The following CUX1 variants were observed in gnomAD, a reference collection of about 807,000 sequenced individuals.
CUX1 encodes the protein protein CASP.
In CUX1, 31 loss-of-function variants were observed where a neutral mutation model predicts 158.8. That is an observed-to-expected ratio of 0.20 (90% CI 0.15 to 0.26). The LOEUF (loss-of-function observed/expected upper bound fraction) is 0.26. Among genes scored for constraint, CUX1 ranks in the 10% least tolerant of loss-of-function variants. The pLI is 1.00. For synonymous variants in CUX1, 879 were observed against 862.1 expected (o/e 1.02, Z -0.34); for missense variants, 1,589 against 2,014.6 (o/e 0.79, Z 4.04).
At chr7:102,114,362 A>G (rs1554491182) in intron 7 of CUX1, among the ~76,000 whole-genome samples, 1 of 152,124 alleles carries the variant, frequency 6.6e-6, no homozygotes, top group Non-Finnish European at 1.5e-5. Context: ...TGCAACCTGC[A>G]TCTCCAGGGT....
intron 20 of CUX1, among the ~76,000 whole-genome samples, chr7:102,205,940 C>T (rs1795904353): frequency 6.6e-6 from 1 of 152,162 alleles, no homozygotes; most frequent in African/African-American, 2.4e-5. Context: ...TTTTCACAGC[C>T]AGCTTTTAGG....
intron 2 of CUX1, among the ~76,000 whole-genome samples, chr7:101,945,500 C>T (rs907653101): frequency 5.3e-5 from 8 of 152,176 alleles, no homozygotes; most frequent in Non-Finnish European, 1.0e-4. Context: ...CCTTGTGTAT[C>T]GAGTGTTCTC....
At chr7:101,912,815 G>A (rs1803649371) in intron 1 of CUX1, among the ~76,000 whole-genome samples, 1 of 152,176 alleles carries the variant, frequency 6.6e-6, no homozygotes, top group Non-Finnish European at 1.5e-5. Flanking sequence ...GTATTGCTGG[G>A]CATGGAGGAG....
At chr7:102,226,914 G>GT (rs1798397482) in intron 20 of CUX1, among the ~76,000 whole-genome samples, 1 of 152,164 alleles carries the variant, frequency 6.6e-6, no homozygotes, top group Non-Finnish European at 1.5e-5. Context: ...CTTCCTAACT[G>GT]TGGTGACTAC....
At chr7:102,280,910 G>C (rs1300279973) in intron 20 of CUX1, 2 of 1,557,310 alleles carry the variant, frequency 1.3e-6, no homozygotes, top group Non-Finnish European at 1.8e-6. Context: ...CTGAGCCTCT[G>C]TCTCCAGGCA....
chr7:101,921,369 G>T (rs144902142), intron 2 of CUX1, among the ~76,000 whole-genome samples: 2 of 152,146 alleles, frequency 1.3e-5, no homozygotes, highest in Admixed American at 1.3e-4. Context: ...AATACTCACC[G>T]TGTAACTCAT....
intron 4 of CUX1, among the ~76,000 whole-genome samples, chr7:102,090,786 T>C (rs1025789201): frequency 9.9e-5 from 15 of 152,106 alleles, no homozygotes; most frequent in Non-Finnish European, 2.2e-4. Context: ...TTACTCAGAT[T>C]TGAGTTGGTA....
Position 101,916,009 on chromosome 7 carries a change from G to A in CUX1, c.31-106G>A. 1.3e-6 allele frequency: 1 copy of A among 757,876 alleles called. No homozygotes were observed. Among genetic ancestry groups the A allele is most frequent in the South Asian group, 1.5e-5 (1 of 67,758 alleles). 46.9% of individuals were successfully genotyped at this position (757,876 alleles called of 1,614,324 possible). On this transcript the variant is annotated intron_variant, in intron 1 of 23. Coordinates refer to ENST00000292535, the MANE Select transcript of CUX1 (RefSeq NM_181552.4). This position sits in a 1 kb window ranked among gnomAD's most constrained non-coding sequence, Gnocchi z 4.4. Reference sequence around the variant, plus strand: ...TGCCAATGAGTTGATGTTCCTTAGAGCCACTGGGGTCTCTCCCCCAGTGTT... The same window carrying A: ...TGCCAATGAGTTGATGTTCCTTAGAACCACTGGGGTCTCTCCCCCAGTGTT...
chr7:102,204,634 T>G (rs1554520595), intron 19 of CUX1, 78 bp downstream of exon 19: 1 of 1,543,472 alleles, frequency 6.5e-7, no homozygotes, highest in African/African-American at 1.4e-5. Flanking sequence ...ACCTGGGCTA[T>G]GCAGAGAGGG....
At chr7:102,281,871 G>C in exon 21 of CUX1, 13 of 1,613,436 alleles carry the variant, frequency 8.1e-6, no homozygotes, top group Non-Finnish European at 8.5e-6. Flanking sequence ...AAGATGGCGC[G>C]CACCATCGGC....
At chr7:102,210,857 C>T (rs1796437723) in intron 20 of CUX1, among the ~76,000 whole-genome samples, 1 of 152,190 alleles carries the variant, frequency 6.6e-6, no homozygotes, top group South Asian at 2.1e-4. Context: ...CTTGTACAAC[C>T]AGGAGATTCC....
chr7:102,134,915 G>C (rs1459464078), intron 8 of CUX1, among the ~76,000 whole-genome samples: 1 of 152,120 alleles, frequency 6.6e-6, no homozygotes, highest in East Asian at 1.9e-4. Flanking sequence ...TTTACTCTTT[G>C]TGTGTTTCCT....
chr7:102,039,335 G>A (rs1010903829), intron 3 of CUX1, among the ~76,000 whole-genome samples: 1 of 152,154 alleles, frequency 6.6e-6, no homozygotes, highest in East Asian at 1.9e-4. Context: ...CTCTGATACT[G>A]CTTGAGCGGG....
Position 102,283,251 on chromosome 7 carries a change from A to G in CUX1, c.*161A>G. The G allele has an allele frequency of 9.3e-6, 6 of 647,036 alleles. No homozygotes were observed. In the South Asian group the frequency reaches 1.0e-4, roughly 11 times the overall value. 40.1% of individuals were successfully genotyped at this position (647,036 alleles called of 1,614,324 possible). On this transcript the variant is annotated 3_prime_UTR_variant, in exon 23 of 23. Coordinates refer to the CUX1 transcript ENST00000292538. ...CCCAGGTCACCTCGGGTCCCCTTGA[A>G]AGAATGTCTCGGTCACATCAGGCCC...
At chr7:101,883,760 T>C (rs931202393) in intron 1 of CUX1, among the ~76,000 whole-genome samples, 1 of 152,038 alleles carries the variant, frequency 6.6e-6, no homozygotes, top group Non-Finnish European at 1.5e-5. Flanking sequence ...CATACCTGGC[T>C]AATTTTTGTA....
At chr7:101,836,957 C>T (rs1794704067) in intron 1 of CUX1, among the ~76,000 whole-genome samples, 1 of 152,190 alleles carries the variant, frequency 6.6e-6, no homozygotes, top group Admixed American at 6.5e-5. Context: ...TCCTGCAGTG[C>T]CCCGTCCCCA....
Position 102,129,466 on chromosome 7 carries a change from T to C in CUX1, c.674+14193T>C, listed in dbSNP as rs563581356. ...TGGGAGGCCAAGATGGGCAGATCAC[T>C]TGAGGTCAGGAGTTCGAGACCAGCC... On this transcript the variant is annotated intron_variant, in intron 8 of 23. Transcript: ENST00000292535. Among the ~76,000 whole-genome samples, 3 of 152,168 alleles carry C rather than the reference T, an allele frequency of 2.0e-5. No individual in the cohort carries two copies. In the South Asian group the frequency reaches 6.2e-4, roughly 32 times the overall value.
intron 4 of CUX1, among the ~76,000 whole-genome samples, chr7:102,091,587 A>C (rs539178736): frequency 6.6e-6 from 1 of 152,176 alleles, no homozygotes; most frequent in Admixed American, 6.6e-5. Flanking sequence ...CTCCCACCTC[A>C]GCCTCCCAAA....
chr7:102,071,070 C>T (rs1349079701), intron 4 of CUX1, among the ~76,000 whole-genome samples: 1 of 152,170 alleles, frequency 6.6e-6, no homozygotes, highest in East Asian at 1.9e-4. Flanking sequence ...ATCCTCCCAC[C>T]TCAACCTCCC....
Sources: gnomAD v4.1 joint callset for allele counts (sites outside exome capture counted in the v4.1 genomes callset) on GRCh38, gnomAD v4.1.1 for gene constraint, Gnocchi (gnomAD v3.1) non-coding constraint, MANE v1.5 for transcripts, NCBI Gene and HGNC (gene_info 2026-07-23, HGNC 2026-07-21) for gene names.